CSMD1: variants seen among roughly 807,000 people sequenced by gnomAD.
CSMD1 encodes the protein CUB and Sushi multiple domains 1, also known as CUB and sushi domain-containing protein 1.
In CSMD1, 213 loss-of-function variants were observed where a neutral mutation model predicts 417.5. The observed-to-expected ratio is 0.51, with a 90% confidence interval of 0.46 to 0.57. The LOEUF (loss-of-function observed/expected upper bound fraction) is 0.57, where lower values mean the gene tolerates loss of function less well. CSMD1 is among the 20% of genes least tolerant of loss of function. The pLI is 0.00. For synonymous variants in CSMD1, 2,862 were observed against 1,736.8 expected (o/e 1.65, Z -16.11); for missense variants, 6,923 against 4,529.7 (o/e 1.53, Z -15.17).
At chr8:3,802,233 G>A (rs1271029241) in intron 5 of CSMD1, among the ~76,000 whole-genome samples, 1 of 152,118 alleles carries the variant, frequency 6.6e-6, no homozygotes, top group African/African-American at 2.4e-5. Flanking sequence ...AAATATACAT[G>A]ATAGAGGCAT....
intron 3 of CSMD1, among the ~76,000 whole-genome samples, chr8:4,184,914 G>C (rs772709786): frequency 2.0e-5 from 3 of 151,974 alleles, no homozygotes; most frequent in Non-Finnish European, 4.4e-5. Context: ...CCTCTGGGTG[G>C]ATCACCTGAG....
chr8:3,540,928 G>C (rs558534217), intron 10 of CSMD1, among the ~76,000 whole-genome samples: 2 of 152,342 alleles, frequency 1.3e-5, no homozygotes, highest in East Asian at 3.9e-4. Context: ...TACACTGTTG[G>C]TGGGAATGTA....
intron 10 of CSMD1, among the ~76,000 whole-genome samples, chr8:3,554,316 G>A (rs1459025486): frequency 1.3e-5 from 2 of 152,236 alleles, no homozygotes; most frequent in East Asian, 3.8e-4. Flanking sequence ...TCAACATGAA[G>A]TCAGAAGAGT....
At chr8:3,998,178 C>T in intron 4 of CSMD1, 68 bp from the exon 5 acceptor site, 1 of 1,352,596 alleles carries the variant, frequency 7.4e-7, no homozygotes, top group Non-Finnish European at 1.0e-6. Flanking sequence ...GTGTGTCCAC[C>T]AAGTGTCACT....
At chr8:4,470,068 C>T (rs1800436618) in intron 2 of CSMD1, among the ~76,000 whole-genome samples, 1 of 151,968 alleles carries the variant, frequency 6.6e-6, no homozygotes, top group Non-Finnish European at 1.5e-5. Context: ...GATGGGGTTT[C>T]ACCGTGTTAG....
intron 1 of CSMD1, among the ~76,000 whole-genome samples, chr8:4,908,224 G>A (rs1034834109): frequency 3.9e-5 from 6 of 152,146 alleles, no homozygotes; most frequent in African/African-American, 7.2e-5. Context: ...GAAATTTGCT[G>A]CAGTGTTTAT....
intron 2 of CSMD1, among the ~76,000 whole-genome samples, chr8:4,597,879 T>A (rs180876966): frequency 1.6e-3 from 237 of 152,274 alleles, no homozygotes; most frequent in African/African-American, 5.2e-3. Flanking sequence ...AGACACAGAT[T>A]AATTAGGTAA....
At chr8:4,401,609 G>C (rs776980540) in intron 3 of CSMD1, among the ~76,000 whole-genome samples, 1 of 151,980 alleles carries the variant, frequency 6.6e-6, no homozygotes, top group African/African-American at 2.4e-5. Flanking sequence ...TGTCACCTCG[G>C]TCACCACAAG....
intron 26 of CSMD1, among the ~76,000 whole-genome samples, chr8:3,270,303 G>T (rs936186146): frequency 6.6e-6 from 1 of 152,120 alleles, no homozygotes; most frequent in South Asian, 2.1e-4. Context: ...TGATCCGTCT[G>T]CCTTGGCCTC....
intron 1 of CSMD1, among the ~76,000 whole-genome samples, chr8:4,647,616 C>G (rs1252041713): frequency 1.3e-5 from 2 of 151,602 alleles, no homozygotes; most frequent in Non-Finnish European, 2.9e-5. Context: ...CTCTCTGTAT[C>G]TATGTGTTCT....
At position 3,705,176 on chromosome 8, in the gene CSMD1, C is replaced by T. The variant is rs551144282; in HGVS notation, c.1009+3238G>A. Among the ~76,000 whole-genome samples the T allele has an allele frequency of 8.5e-5, 13 of 152,282 alleles. No individual in the cohort carries two copies. In the East Asian group the frequency reaches 2.1e-3, roughly 25 times the overall value. The stretch of plus-strand genomic sequence containing the variant: ...ACAGGGCAGTGGCAGGGGAAGGAGT[C>T]GCCACTGAGCTGTGGCTGCTTTCTG... On this transcript the variant is annotated intron_variant, in intron 7 of 69. Coordinates refer to ENST00000635120, the MANE Select transcript of CSMD1 (RefSeq NM_033225.6).
chr8:3,230,962 C>A (rs913539635), intron 26 of CSMD1, among the ~76,000 whole-genome samples: 16 of 152,126 alleles, frequency 1.1e-4, no homozygotes, highest in Admixed American at 9.8e-4. Flanking sequence ...CCACTGGAGC[C>A]TTATCATATC....
At chr8:3,336,208 G>A (rs1807252958) in intron 23 of CSMD1, among the ~76,000 whole-genome samples, 1 of 152,078 alleles carries the variant, frequency 6.6e-6, no homozygotes, top group Admixed American at 6.5e-5. Flanking sequence ...TTAGATCATA[G>A]CAAGGCCTTC....
intron 5 of CSMD1, among the ~76,000 whole-genome samples, chr8:3,818,503 T>A (rs765140550): frequency 6.6e-6 from 1 of 152,126 alleles, no homozygotes; most frequent in African/African-American, 2.4e-5. Flanking sequence ...GCATGAGAGA[T>A]ACAACTGCAG....
chr8:3,867,733 T>A (rs1363154346), intron 5 of CSMD1, among the ~76,000 whole-genome samples: 1 of 152,168 alleles, frequency 6.6e-6, no homozygotes, highest in East Asian at 1.9e-4. Context: ...TAGCTGCTTA[T>A]GCAAACACTG....
rs368895836 is a variant in CSMD1, at chr8:4,940,452, A to G, written c.85+53880T>C. On this transcript the variant is annotated intron_variant, in intron 1 of 69. Coordinates refer to ENST00000635120, the MANE Select transcript of CSMD1 (RefSeq NM_033225.6). ...ACTTTGATTCTCTTTAATTATAAAT[A>G]TACAAGAGTTGGGAAGGGCATGGTC... Among the ~76,000 whole-genome samples, 5 of 152,362 alleles carry G rather than the reference A, an allele frequency of 3.3e-5. 1 individual carries two copies. Among genetic ancestry groups the G allele is most frequent in the South Asian group, 2.1e-4 (1 of 4,832 alleles).
intron 5 of CSMD1, among the ~76,000 whole-genome samples, chr8:3,916,507 C>G (rs1012041314): frequency 3.3e-5 from 5 of 152,150 alleles, no homozygotes; most frequent in Admixed American, 6.5e-5. Context: ...TGGGAATTAA[C>G]TTCCTACTTA....
At chr8:3,636,376 C>A (rs540253577) in intron 7 of CSMD1, among the ~76,000 whole-genome samples, 1 of 152,260 alleles carries the variant, frequency 6.6e-6, no homozygotes, top group South Asian at 2.1e-4. Context: ...TGAGGGTTCT[C>A]CATGTTGGCT....
At chr8:4,920,534 T>G (rs1205567093) in intron 1 of CSMD1, among the ~76,000 whole-genome samples, 2 of 152,102 alleles carry the variant, frequency 1.3e-5, no homozygotes, top group African/African-American at 4.8e-5. Context: ...GAAATTACAA[T>G]GGTGAGGCCA....
Sources: gnomAD v4.1 joint callset for allele counts (sites outside exome capture counted in the v4.1 genomes callset) on GRCh38, gnomAD v4.1.1 for gene constraint, MANE v1.5 for transcripts, NCBI Gene and HGNC (gene_info 2026-07-23, HGNC 2026-07-21) for gene names.